DLGAP2: variants seen among roughly 807,000 people sequenced by gnomAD.
DLGAP2 encodes disks large-associated protein 2.
DLGAP2 carries 26 observed loss-of-function variants against 100.3 expected under a neutral mutation model. The observed-to-expected ratio is 0.26, with a 90% CI of 0.19 to 0.36. The LOEUF is 0.36. Among genes scored for constraint, DLGAP2 ranks in the 10% least tolerant of loss-of-function variants. The pLI is 1.00. For missense variants in DLGAP2, 1,858 were observed against 1,453.2 expected, an observed-to-expected ratio of 1.28 and a Z score of -4.53; for synonymous variants, 886 against 630.1, an observed-to-expected ratio of 1.41 and a Z score of -6.08.
At chr8:1,287,497 GTTCTGT>G (rs1799959158) in intron 3 of DLGAP2, among the ~76,000 whole-genome samples, 6 of 8,374 alleles carry the variant, frequency 7.2e-4, no homozygotes, top group South Asian at 3.0e-3. Context: ...TGTGTGTGTG[GTTCTGT>G]TAGGAGGGGA....
At chr8:901,813 C>T (rs187144267) in intron 1 of DLGAP2, among the ~76,000 whole-genome samples, 3 of 152,358 alleles carry the variant, frequency 2.0e-5, no homozygotes, top group South Asian at 4.1e-4. Context: ...ACAAGCATCT[C>T]GTACGTTGCC....
intron 3 of DLGAP2, among the ~76,000 whole-genome samples, chr8:1,372,265 G>A (rs1234460530): frequency 6.6e-6 from 1 of 151,994 alleles, no homozygotes; most frequent in Non-Finnish European, 1.5e-5. Context: ...TCACCGTGCT[G>A]CCAACGCTGG....
intron 3 of DLGAP2, among the ~76,000 whole-genome samples, chr8:1,302,976 T>A (rs959012448): frequency 3.2e-4 from 48 of 152,244 alleles, no homozygotes; most frequent in African/African-American, 1.1e-3. Context: ...GCCGCAGGAG[T>A]CATTCCTTAG....
intron 1 of DLGAP2, among the ~76,000 whole-genome samples, chr8:869,345 G>A (rs772459443): frequency 9.2e-5 from 14 of 152,138 alleles, no homozygotes; most frequent in Non-Finnish European, 1.5e-4. Context: ...CAAGAGTCAC[G>A]CCCTCCCTGT....
chr8:1,214,017 G>T (rs1270591348), intron 2 of DLGAP2, among the ~76,000 whole-genome samples: 1 of 125,034 alleles, frequency 8.0e-6, no homozygotes, highest in African/African-American at 4.5e-5. Flanking sequence ...ACCCGGCTGT[G>T]GTCTCTGTGC....
At chr8:1,341,684 A>G (rs981682707) in intron 3 of DLGAP2, among the ~76,000 whole-genome samples, 5 of 152,184 alleles carry the variant, frequency 3.3e-5, no homozygotes, top group African/African-American at 1.2e-4. Context: ...GGAAACAGAG[A>G]TGAGCCCCTG....
chr8:1,685,435 G>C (rs140392397), intron 12 of DLGAP2, among the ~76,000 whole-genome samples: 1 of 152,196 alleles, frequency 6.6e-6, no homozygotes, highest in Non-Finnish European at 1.5e-5. Flanking sequence ...TTAATGGAAC[G>C]TCCACTGCTT....
At chr8:876,420 T>C (rs1303136557) in intron 1 of DLGAP2, among the ~76,000 whole-genome samples, 1 of 152,166 alleles carries the variant, frequency 6.6e-6, no homozygotes, top group East Asian at 1.9e-4. Flanking sequence ...TGATAGACAG[T>C]TTTGTTTTTC....
chr8:1,531,943 G>A (rs908653956), intron 4 of DLGAP2, among the ~76,000 whole-genome samples: 12 of 152,162 alleles, frequency 7.9e-5, no homozygotes, highest in Admixed American at 4.6e-4. Context: ...GGTGGTTGGG[G>A]CGCAGCTTGG....
At chr8:1,131,549 T>G (rs894504271) in intron 2 of DLGAP2, among the ~76,000 whole-genome samples, 1 of 152,102 alleles carries the variant, frequency 6.6e-6, no homozygotes, top group African/African-American at 2.4e-5. Context: ...GGCCACACCC[T>G]CCTCTTACCG....
intron 1 of DLGAP2, among the ~76,000 whole-genome samples, chr8:857,678 C>G (rs918568607): frequency 2.6e-5 from 4 of 152,138 alleles, no homozygotes; most frequent in African/African-American, 7.2e-5. Flanking sequence ...GCAACACCAT[C>G]AAGTGCTGGT....
intron 6 of DLGAP2, among the ~76,000 whole-genome samples, chr8:1,598,189 C>T (rs1230045037): frequency 6.6e-6 from 1 of 152,168 alleles, no homozygotes; most frequent in Admixed American, 6.5e-5. Flanking sequence ...TATGTTGAAC[C>T]AGCCTTGCAT....
At chr8:1,490,478 A>G (rs147791934) in intron 3 of DLGAP2, among the ~76,000 whole-genome samples, 1,539 of 152,286 alleles carry the variant, frequency 0.01, 25 homozygotes, top group African/African-American at 0.033. Context: ...TCCAGAAAGC[A>G]TGTTGTGTGA....
intron 3 of DLGAP2, among the ~76,000 whole-genome samples, chr8:1,386,989 T>C (rs538597929): frequency 1.3e-5 from 2 of 152,310 alleles, no homozygotes; most frequent in South Asian, 2.1e-4. Flanking sequence ...TTGAATAATG[T>C]TTACCTAAAA....
At chr8:1,509,515 A>G (rs1317058909) in intron 4 of DLGAP2, among the ~76,000 whole-genome samples, 4 of 151,784 alleles carry the variant, frequency 2.6e-5, no homozygotes, top group Non-Finnish European at 5.9e-5. Context: ...CAGGAGCAAT[A>G]CCTTGCAGCC....
At chr8:1,080,854 C>T (rs995265602) in intron 2 of DLGAP2, among the ~76,000 whole-genome samples, 2 of 152,200 alleles carry the variant, frequency 1.3e-5, no homozygotes, top group Non-Finnish European at 2.9e-5. Context: ...CTTTCTCATA[C>T]TGGACATTTA....
At chr8:1,695,034 G>A (rs940905358) in intron 13 of DLGAP2, among the ~76,000 whole-genome samples, 2 of 152,278 alleles carry the variant, frequency 1.3e-5, no homozygotes, top group African/African-American at 4.8e-5. Context: ...TGTTGTTGCC[G>A]AGGAGAGGAG....
chr8:1,503,105 C>A (rs1379257872), intron 4 of DLGAP2, among the ~76,000 whole-genome samples: 1 of 152,190 alleles, frequency 6.6e-6, no homozygotes, highest in African/African-American at 2.4e-5. Flanking sequence ...CAGAATGTCA[C>A]ATGGGTGGCT....
intron 6 of DLGAP2, among the ~76,000 whole-genome samples, chr8:1,610,562 G>A (rs1302786046): frequency 2.2e-5 from 3 of 137,208 alleles, no homozygotes; most frequent in Non-Finnish European, 4.6e-5. Context: ...AGGAAATAGA[G>A]ACACAAAAAA....
Sources: allele counts gnomAD v4.1 joint callset (sites outside exome capture counted in the v4.1 genomes callset), GRCh38; gene constraint gnomAD v4.1.1; transcripts MANE v1.5; gene names NCBI Gene and HGNC (gene_info 2026-07-23, HGNC 2026-07-21).